Variants in TTLL5 observed in about 807,000 individuals in gnomAD.
TTLL5 encodes tubulin tyrosine ligase like 5.
TTLL5 carries 132 observed loss-of-function variants against 168.4 expected under a neutral mutation model. That is an observed-to-expected ratio of 0.78 (90% CI 0.68 to 0.91). The LOEUF (loss-of-function observed/expected upper bound fraction) is 0.91, where lower values mean the gene tolerates loss of function less well. Ranked by LOEUF, TTLL5 falls within the 40% of genes least tolerant of loss-of-function variation. The pLI, the probability that TTLL5 is intolerant of heterozygous loss-of-function variation, is 0.00. For synonymous variants in TTLL5, 546 were observed against 558.6 expected (o/e 0.98, Z 0.32); for missense variants, 1,545 against 1,581.5 (o/e 0.98, Z 0.39).
At chr14:75,856,950 T>G (rs551228516) in intron 28 of TTLL5, among the ~76,000 whole-genome samples, 1 of 152,320 alleles carries the variant, frequency 6.6e-6, no homozygotes, top group East Asian at 1.9e-4. Flanking sequence ...TAAAATTTCA[T>G]TTTCCAATTG....
chr14:75,760,473 AG>A (rs2053293223), intron 18 of TTLL5, among the ~76,000 whole-genome samples: 2 of 152,072 alleles, frequency 1.3e-5, no homozygotes, highest in South Asian at 4.1e-4. Flanking sequence ...TTTTTTTAAA[AG>A]GAACAGACCA....
chr14:75,786,669 A>C (rs1409950479), intron 26 of TTLL5, among the ~76,000 whole-genome samples: 2 of 152,182 alleles, frequency 1.3e-5, no homozygotes, highest in Non-Finnish European at 2.9e-5. Flanking sequence ...AACTCTATAG[A>C]CTTTTTAAAG....
chr14:75,783,684 C>A (rs529542305), intron 26 of TTLL5, among the ~76,000 whole-genome samples, 154 bp downstream of exon 26: 1 of 152,184 alleles, frequency 6.6e-6, no homozygotes, highest in Non-Finnish European at 1.5e-5. Context: ...AAGACTTTTG[C>A]ATTGCATCCA....
At chr14:75,821,456 T>G (rs1014119300) in intron 28 of TTLL5, among the ~76,000 whole-genome samples, 1 of 152,222 alleles carries the variant, frequency 6.6e-6, no homozygotes, top group Non-Finnish European at 1.5e-5. Flanking sequence ...CATTTTAAAT[T>G]CAGAGCCTTG....
At chr14:75,757,768 T>G (rs139745221) in intron 18 of TTLL5, 21 of 1,462,298 alleles carry the variant, frequency 1.4e-5, no homozygotes, top group Non-Finnish European at 1.9e-5. Flanking sequence ...CATGTGTGTG[T>G]GAACTTAAGA....
intron 31 of TTLL5, among the ~76,000 whole-genome samples, chr14:75,942,884 A>G (rs1219828074): frequency 6.6e-6 from 1 of 152,162 alleles, no homozygotes; most frequent in Non-Finnish European, 1.5e-5. Context: ...TTCTGAATAT[A>G]TTTTATGTTT....
chr14:75,949,715 G>T (rs114874696), intron 31 of TTLL5, among the ~76,000 whole-genome samples: 2,083 of 151,818 alleles, frequency 0.014, 59 homozygotes, highest in African/African-American at 0.047. Flanking sequence ...CTGGGCGTGG[G>T]GTGCATGCCT....
intron 28 of TTLL5, among the ~76,000 whole-genome samples, chr14:75,822,561 A>G (rs1475309096): frequency 6.6e-6 from 1 of 152,202 alleles, no homozygotes; most frequent in Non-Finnish European, 1.5e-5. Flanking sequence ...TGCTAGCTGT[A>G]CTTTTCATCT....
At chr14:75,729,682 C>A (rs1244280643) in intron 12 of TTLL5, among the ~76,000 whole-genome samples, 1 of 152,158 alleles carries the variant, frequency 6.6e-6, no homozygotes. Flanking sequence ...TAGGTCCAAG[C>A]CTGGTATGTG....
chr14:75,888,166 A>G (rs2032211377), intron 30 of TTLL5, among the ~76,000 whole-genome samples: 1 of 152,198 alleles, frequency 6.6e-6, no homozygotes, highest in Non-Finnish European at 1.5e-5. Context: ...TGGTGGCATT[A>G]GGAGGTCTCT....
intron 31 of TTLL5, among the ~76,000 whole-genome samples, chr14:75,903,114 A>G (rs2032997409): frequency 2.6e-5 from 4 of 152,226 alleles, no homozygotes; most frequent in South Asian, 4.1e-4. Flanking sequence ...TGTAGGAACT[A>G]TATTCCCCAT....
At chr14:75,763,251 CTCTCTG>C (rs1327156195) in intron 18 of TTLL5, among the ~76,000 whole-genome samples, 7 of 33,862 alleles carry the variant, frequency 2.1e-4, no homozygotes, top group African/African-American at 3.6e-4. Flanking sequence ...CTATAGCTCT[CTCTCTG>C]TGTGTGTGTG....
intron 28 of TTLL5, among the ~76,000 whole-genome samples, chr14:75,843,810 A>T (rs1181224678): frequency 6.7e-6 from 1 of 150,302 alleles, no homozygotes; most frequent in South Asian, 2.1e-4. Context: ...TGTTTTTAGA[A>T]GTCATCTTTG....
intron 4 of TTLL5, among the ~76,000 whole-genome samples, chr14:75,682,067 G>A (rs1049471057): frequency 6.6e-5 from 10 of 151,744 alleles, no homozygotes; most frequent in Admixed American, 6.6e-4. Flanking sequence ...GTGTGCAACT[G>A]TAGTCCCAGC....
chr14:75,684,619 G>C (rs374485836), intron 5 of TTLL5: 22 of 152,262 alleles, frequency 1.4e-4, no homozygotes, highest in South Asian at 1.2e-3. Context: ...TACAATACTT[G>C]CAATGATAAT....
At chr14:75,727,859 G>A in intron 12 of TTLL5, 1 of 501,414 alleles carries the variant, frequency 2.0e-6, no homozygotes, top group Non-Finnish European at 4.0e-6. Context: ...TCAGGGATGG[G>A]GGAAAGGGCA....
At chr14:75,884,611 A>G (rs2032000350) in intron 30 of TTLL5, among the ~76,000 whole-genome samples, 1 of 152,230 alleles carries the variant, frequency 6.6e-6, no homozygotes, top group Non-Finnish European at 1.5e-5. Flanking sequence ...AAGTAATATA[A>G]TCCAGGTATC....
At chr14:75,941,582 T>A (rs1443185747) in intron 31 of TTLL5, 2 of 152,206 alleles carry the variant, frequency 1.3e-5, no homozygotes, top group Non-Finnish European at 2.9e-5. Flanking sequence ...GGGAGAAAAA[T>A]AACTTTGGTT....
At chr14:75,912,179 CTTTTTT>C (rs556759048) in intron 31 of TTLL5, among the ~76,000 whole-genome samples, 1 of 146,992 alleles carries the variant, frequency 6.8e-6, no homozygotes, top group African/African-American at 2.5e-5. Flanking sequence ...TGTTTCTCTC[CTTTTTT>C]TTTTTTACAT....
Sources: allele counts gnomAD v4.1 joint callset (sites outside exome capture counted in the v4.1 genomes callset), GRCh38; gene constraint gnomAD v4.1.1; transcripts MANE v1.5; gene names NCBI Gene and HGNC (gene_info 2026-07-23, HGNC 2026-07-21).